Variants in STAG2 observed in about 807,000 individuals in gnomAD.
STAG2 encodes STAG2 cohesin complex component.
A neutral mutation model predicts 108.1 loss-of-function variants in STAG2; 14 were observed. The observed-to-expected ratio is 0.13, with a 90% CI of 0.09 to 0.20. STAG2 has a LOEUF of 0.20. Among genes scored for constraint, STAG2 ranks in the 10% least tolerant of loss-of-function variants. STAG2 has a pLI of 1.00. For missense variants in STAG2, 440 were observed against 940.9 expected (o/e 0.47, Z 6.96); for synonymous variants, 307 against 302.7 (o/e 1.01, Z -0.15).
chrX:124,037,948 G>T (rs536213601), intron 6 of STAG2, among the ~76,000 whole-genome samples: 7 of 112,135 alleles, frequency 6.2e-5, no homozygotes, highest in African/African-American at 2.3e-4. Flanking sequence ...AGATAATGAA[G>T]AGATACAGGT....
chrX:124,080,429 T>A (rs760208988), intron 27 of STAG2, among the ~76,000 whole-genome samples: 1 of 111,113 alleles, frequency 9.0e-6, no homozygotes, highest in East Asian at 2.8e-4. Flanking sequence ...GTGGCTCACA[T>A]CTGTAATCCA....
chrX:124,081,934 G>A (rs1233465083), intron 28 of STAG2, among the ~76,000 whole-genome samples: 1 of 111,869 alleles, frequency 8.9e-6, no homozygotes, highest in Non-Finnish European at 1.9e-5. Context: ...AGGGTGCAGT[G>A]AGCTGAGATT....
At chrX:123,976,307 TAAAA>T (rs925371362) in intron 1 of STAG2, among the ~76,000 whole-genome samples, 5 of 112,022 alleles carry the variant, frequency 4.5e-5, no homozygotes, top group African/African-American at 1.6e-4. Context: ...AATTAAATTT[TAAAA>T]AAGAAAGATT....
At chrX:124,094,419 C>A (rs1299580126) in intron 33 of STAG2, among the ~76,000 whole-genome samples, 2 of 111,128 alleles carry the variant, frequency 1.8e-5, no homozygotes, top group Admixed American at 1.9e-4. Flanking sequence ...TTGATTAATA[C>A]TAATTTGACT....
rs763466479 is a variant in STAG2 at position 124,042,272 on chromosome X, A to C, written c.386-297A>C. ...ATGTTAAAGAGACAAAGCCAATATA[A>C]ATATTACAGCATGAGTAAAGTGAGT... On this transcript the variant is annotated intron_variant, in intron 6 of 34. Coordinates refer to ENST00000371145, the MANE Select transcript of STAG2 (RefSeq NM_001042750.2). Among the ~76,000 whole-genome samples, 3 of 111,629 alleles carry C rather than the reference A, an allele frequency of 2.7e-5. No homozygotes were observed. In the Admixed American group the frequency reaches 2.9e-4, roughly 11 times the overall value.
At chrX:124,097,522 G>C (rs188464665) in intron 34 of STAG2, among the ~76,000 whole-genome samples, 1 of 111,764 alleles carries the variant, frequency 8.9e-6, no homozygotes, top group Admixed American at 9.6e-5. Context: ...TCAGAAGTTG[G>C]TGCTAAAGCG....
intron 1 of STAG2, among the ~76,000 whole-genome samples, chrX:124,002,579 G>A (rs2056091626): frequency 9.0e-6 from 1 of 111,103 alleles, no homozygotes; most frequent in Non-Finnish European, 1.9e-5. Flanking sequence ...AATTACCTGT[G>A]TGGTTTTACT....
intron 4 of STAG2, among the ~76,000 whole-genome samples, chrX:124,030,357 T>C (rs910701645): frequency 8.9e-6 from 1 of 112,170 alleles, no homozygotes; most frequent in Admixed American, 9.5e-5. Context: ...ACTTTGTTGA[T>C]ATTTTGAGGG....
chrX:123,981,389 C>T lies in STAG2; in HGVS notation c.-163+19533C>T, dbSNP rs747638903. On this transcript the variant is annotated intron_variant, in intron 1 of 34. Transcript: ENST00000371145. The stretch of plus-strand genomic sequence containing the variant: ...TTATATTTGACTATTCTAAGTATTT[C>T]ATGTAAGTGGAATGATACAAAATTT... 6.4e-5 allele frequency among the ~76,000 whole-genome samples: 7 copies of T among 109,755 alleles called. No individual in the cohort carries two copies. The East Asian group carries it at 1.8e-3, about 27-fold the overall frequency.
At chrX:124,079,850 T>C (rs2058906565) in intron 27 of STAG2, among the ~76,000 whole-genome samples, 1 of 111,832 alleles carries the variant, frequency 8.9e-6, no homozygotes, top group Admixed American at 9.5e-5. Context: ...CAAAATTAAA[T>C]TGTGCATTCC....
chrX:124,077,828 C>T (rs774030948), intron 26 of STAG2, 129 bp from the exon 27 acceptor site: 11 of 384,085 alleles, frequency 2.9e-5, no homozygotes, highest in African/African-American at 8.0e-5. Flanking sequence ...ACATTCTTTC[C>T]TGCCTTTGAA....
chrX:124,025,956 G>T (rs2057080652), intron 4 of STAG2, 38 bp downstream of exon 4: 1 of 956,390 alleles, frequency 1.0e-6, no homozygotes, highest in Non-Finnish European at 1.5e-6. Flanking sequence ...TGTTTCCTAA[G>T]ATCTCACACA....
intron 1 of STAG2, among the ~76,000 whole-genome samples, chrX:124,008,165 A>T (rs1393560313): frequency 9.0e-6 from 1 of 110,499 alleles, no homozygotes; most frequent in Non-Finnish European, 1.9e-5. Flanking sequence ...TGGAGGAGAA[A>T]AGTTTTTCCC....
Position 124,071,128 on chromosome X carries a change from CTTTT to C in STAG2, c.2359-10_2359-7del, listed in dbSNP as rs77366098. The C allele has an allele frequency of 4.7e-6, 4 of 848,826 alleles. No homozygotes were observed. The highest frequency in any genetic ancestry group is 2.3e-5 in the African/African-American group (1 of 42,585). The allele number at this position is 848,826 out of a possible 1,213,427, so 70.0% of individuals were successfully genotyped here. On this transcript the variant is annotated splice_polypyrimidine_tract_variant and intron_variant, in intron 24 of 34. Transcript: ENST00000371145. ...ACCTTGGATTATAGCATGCTTTCCT[CTTTT>C]TTTTTTTTTTAAATAGGCCTTCACT... is the stretch of plus-strand genomic sequence containing the variant.
intron 27 of STAG2, among the ~76,000 whole-genome samples, chrX:124,079,606 GC>G (rs752229221): frequency 8.9e-6 from 1 of 111,805 alleles, no homozygotes; most frequent in South Asian, 3.7e-4. Flanking sequence ...CATAGCAAGA[GC>G]CCATCTCTAC....
chrX:124,055,095 A>G (rs961685005), intron 13 of STAG2, among the ~76,000 whole-genome samples: 1 of 112,256 alleles, frequency 8.9e-6, no homozygotes, highest in African/African-American at 3.2e-5. Flanking sequence ...TTAAAAACAC[A>G]CAAGTTATTT....
rs761943814 is a variant in STAG2 at position 123,974,324 on chromosome X, C to T, written c.-163+12468C>T. Reference sequence around the variant, plus strand: ...CTTGGCTTACTGAAACCTCCACCTCCTGAGTTCAAGTGATTCTCCTGCCTT... The same window carrying T: ...CTTGGCTTACTGAAACCTCCACCTCTTGAGTTCAAGTGATTCTCCTGCCTT... On this transcript the variant is annotated intron_variant, in intron 1 of 34. Transcript: ENST00000371145. Among the ~76,000 whole-genome samples the T allele has an allele frequency of 2.4e-3, 255 of 108,008 alleles. 1 individual carries two copies. The highest frequency in any genetic ancestry group is 3.9e-3 in the Non-Finnish European group (206 of 52,161). 93.8% of individuals were successfully genotyped at this position (108,008 alleles called of 115,157 possible).
chrX:123,987,140 G>A (rs751623904), intron 1 of STAG2, among the ~76,000 whole-genome samples: 4 of 109,777 alleles, frequency 3.6e-5, no homozygotes, highest in East Asian at 5.7e-4. Flanking sequence ...TTACAGGTGT[G>A]CGCCACCATG....
In STAG2 at chrX:124,044,886, A is replaced by C. The variant is rs1284384796; in HGVS notation, c.463-278A>C. ...ATCACAAGGATGTTTTGTTTTGATG[A>C]GGGAGGCTTTTAAAATTTTTAACCT... is the stretch of plus-strand genomic sequence containing the variant. On this transcript the variant is annotated intron_variant, in intron 7 of 34. Transcript: ENST00000371145. 3.6e-5 allele frequency among the ~76,000 whole-genome samples: 4 copies of C among 111,294 alleles called. No individual in the cohort carries two copies. In the East Asian group the frequency reaches 1.1e-3, roughly 31 times the overall value.
Sources: gnomAD v4.1 joint callset for allele counts (sites outside exome capture counted in the v4.1 genomes callset) on GRCh38, gnomAD v4.1.1 for gene constraint, MANE v1.5 for transcripts, NCBI Gene and HGNC (gene_info 2026-07-23, HGNC 2026-07-21) for gene names.